The following COA8 variants were observed in gnomAD, a reference collection of about 807,000 sequenced individuals.
COA8 encodes UPF0671 protein C14orf153.
In COA8, 20 loss-of-function variants were observed where a neutral mutation model predicts 22.0. That is an observed-to-expected ratio of 0.91 (90% CI 0.64 to 1.32). COA8 has a LOEUF of 1.32. Ranked by LOEUF, COA8 falls within the 40% of genes most tolerant of loss-of-function variation. The pLI is 0.00. For missense variants in COA8, 266 were observed against 230.0 expected (o/e 1.16, Z -1.01); for synonymous variants, 105 against 79.9 (o/e 1.31, Z -1.68).
intron 3 of COA8, 103 bp downstream of exon 3, chr14:103,574,273 G>T: frequency 6.6e-7 from 1 of 1,511,724 alleles, no homozygotes; most frequent in South Asian, 1.1e-5. Flanking sequence ...AGTTCAGGGC[G>T]GTCCTTGGCC....
Position 103,574,087 on chromosome 14 carries a change from T to A in COA8, c.322-20T>A. On this transcript the variant is annotated intron_variant, in intron 2 of 4. Transcript: ENST00000409074. ...AAGGAGTTCTGAGAGCCTTTTTTTTTTTTTTTTTTTTTTTTTAAGGAAAAA... is the reference window on the plus strand; with the variant it reads ...AAGGAGTTCTGAGAGCCTTTTTTTTATTTTTTTTTTTTTTTTAAGGAAAAA... 3 of 1,480,106 alleles carry A rather than the reference T, an allele frequency of 2.0e-6. No individual in the cohort carries two copies. Among genetic ancestry groups the A allele is most frequent in the Non-Finnish European group, 2.7e-6 (3 of 1,117,068 alleles). The allele number at this position is 1,480,106 out of a possible 1,614,324, so 91.7% of individuals were successfully genotyped here.
intron 3 of COA8, among the ~76,000 whole-genome samples, chr14:103,585,558 C>T (rs144288365): frequency 2.0e-4 from 30 of 149,368 alleles, no homozygotes; most frequent in African/African-American, 6.6e-4. Flanking sequence ...GTTTTTCTCC[C>T]GTTCTATAGG....
At chr14:103,584,294 T>G (rs1200379823) in intron 3 of COA8, among the ~76,000 whole-genome samples, 1 of 152,178 alleles carries the variant, frequency 6.6e-6, no homozygotes, top group Non-Finnish European at 1.5e-5. Context: ...CATGGTTGAT[T>G]AAATCATTGG....
intron 4 of COA8, among the ~76,000 whole-genome samples, chr14:103,588,480 A>AAAAATAT (rs1555414271): frequency 7.0e-6 from 1 of 143,808 alleles, no homozygotes; most frequent in African/African-American, 2.5e-5. Context: ...TAATTAAAAA[A>AAAAATAT]ATATATATAT....
intron 3 of COA8, chr14:103,574,438 G>T: frequency 1.6e-6 from 1 of 613,226 alleles, no homozygotes; most frequent in South Asian, 1.5e-5. Flanking sequence ...TCGTACTGAG[G>T]TCTCAGCCTT....
chr14:103,579,646 G>A (rs1192914664), intron 3 of COA8, among the ~76,000 whole-genome samples: 1 of 148,398 alleles, frequency 6.7e-6, no homozygotes, highest in African/African-American at 2.5e-5. Context: ...ACCGCGCCCG[G>A]CCAAAAATAG....
In COA8 at chr14:103,563,124, G is replaced by C. The variant is rs760697714; in HGVS notation, c.123G>C (p.Gly41=). 1 of 1,539,658 alleles carries C rather than the reference G, an allele frequency of 6.5e-7. No individual in the cohort carries two copies. The highest frequency in any genetic ancestry group is 8.7e-7 in the Non-Finnish European group (1 of 1,148,286). Residue 41 remains glycine, a splice_region_variant and synonymous_variant, in exon 1 of 5, where the codon GGG becomes GGC. Coordinates refer to ENST00000409074, the MANE Select transcript of COA8 (RefSeq NM_001370595.2). ...GAERRDTAPS[G]VSRFCPPRKS... ...AGCGCAGGGATACGGCGCCCAGCGGGGTAAGCAGGGGCCTGGGGACATTGG... is the reference window on the plus strand; with the variant it reads ...AGCGCAGGGATACGGCGCCCAGCGGCGTAAGCAGGGGCCTGGGGACATTGG...
Position 103,583,517 on chromosome 14 carries a change from G to A in COA8, c.386-3757G>A, listed in dbSNP as rs570232386. 9.0e-5 allele frequency among the ~76,000 whole-genome samples: 13 copies of A among 143,674 alleles called. No individual in the cohort carries two copies. In the Admixed American group the frequency reaches 9.4e-4, roughly 10 times the overall value. The allele number at this position is 143,674 out of a possible 152,430, so 94.3% of individuals were successfully genotyped here. A position where few individuals can be genotyped will look rare whatever the true frequency, so the allele number is the denominator to read the frequency against. On this transcript the variant is annotated intron_variant, in intron 3 of 4. Coordinates refer to ENST00000409074, the MANE Select transcript of COA8 (RefSeq NM_001370595.2). ...AGATTGTGCCATTGCACTCCAGCCT[G>A]GGCAACAGAGCAAGACTCGATCTCA... is the stretch of plus-strand genomic sequence containing the variant.
intron 2 of COA8, among the ~76,000 whole-genome samples, chr14:103,572,815 G>A (rs2076198919): frequency 1.3e-5 from 2 of 149,844 alleles, no homozygotes; most frequent in Non-Finnish European, 3.0e-5. Context: ...ACGGAGTCTC[G>A]CTCTGTCACC....
chr14:103,586,640 C>CT (rs56313410), intron 3 of COA8, among the ~76,000 whole-genome samples: 141,310 of 142,680 alleles, frequency 0.99, 69,972 homozygotes, highest in South Asian at 1. Flanking sequence ...CACGCCTGGC[C>CT]TTTTTTTTTT....
Position 103,590,310 on chromosome 14 carries a change from G to T in COA8, c.*24G>T. On this transcript the variant is annotated 3_prime_UTR_variant, in exon 5 of 5. Coordinates refer to ENST00000409074, the MANE Select transcript of COA8 (RefSeq NM_001370595.2). ...AGGAGTCCACTCTGACCCAGCCAGA[G>T]TCCAGGTTTCCACAGGAAGCAGATG... 6.3e-7 allele frequency: 1 copy of T among 1,597,138 alleles called. No homozygotes were observed. The highest frequency in any genetic ancestry group is 1.3e-5 in the African/African-American group (1 of 74,280).
At chr14:103,563,440 C>A in intron 1 of COA8, 1 of 492,304 alleles carries the variant, frequency 2.0e-6, no homozygotes, top group Non-Finnish European at 3.8e-6. Flanking sequence ...TTAAAGAGCT[C>A]TTGGCTTACC....
intron 1 of COA8, among the ~76,000 whole-genome samples, chr14:103,569,034 A>G (rs539094008): frequency 9.9e-5 from 15 of 152,270 alleles, no homozygotes; most frequent in African/African-American, 3.6e-4. Context: ...TCTCTGTGAC[A>G]AGGGCAGAAC....
chr14:103,588,824 A>G (rs1440434953), intron 4 of COA8, among the ~76,000 whole-genome samples: 1 of 152,204 alleles, frequency 6.6e-6, no homozygotes, highest in Non-Finnish European at 1.5e-5. Context: ...CCTGGGCTAC[A>G]GAGTGAGACC....
intron 3 of COA8, among the ~76,000 whole-genome samples, chr14:103,585,682 TCTC>T (rs2076301200): frequency 6.8e-6 from 1 of 146,544 alleles, no homozygotes; most frequent in Non-Finnish European, 1.5e-5. Flanking sequence ...TTCAAGCAAT[TCTC>T]CTGCCTCAGC....
At chr14:103,574,730 C>A in intron 3 of COA8, 1 of 278,582 alleles carries the variant, frequency 3.6e-6, no homozygotes, top group Admixed American at 5.0e-5. Context: ...TGAGTCACCC[C>A]CATGCCAGGA....
At chr14:103,577,515 A>G (rs1383697097) in intron 3 of COA8, among the ~76,000 whole-genome samples, 1 of 152,174 alleles carries the variant, frequency 6.6e-6, no homozygotes, top group Non-Finnish European at 1.5e-5. Context: ...CTTTTCCAGA[A>G]GAATTTAGCT....
rs982283985 is a variant in COA8, at chr14:103,581,089, C to T, written c.386-6185C>T. 7.2e-5 allele frequency among the ~76,000 whole-genome samples: 11 copies of T among 152,074 alleles called. No homozygotes were observed. The highest frequency in any genetic ancestry group is 3.9e-4 in the East Asian group (2 of 5,190). ...TCCTGGGATTACAGGCGTGAGCCAC[C>T]GCGCCCAGCCTGTTACACCATTTTA... On this transcript the variant is annotated intron_variant, in intron 3 of 4. Transcript: ENST00000409074. This position sits in a 1 kb window ranked among gnomAD's most constrained non-coding sequence, Gnocchi z 4.1.
intron 1 of COA8, among the ~76,000 whole-genome samples, chr14:103,568,484 CACACATATATAT>C (rs1304910819): frequency 6.6e-6 from 1 of 151,744 alleles, no homozygotes; most frequent in Non-Finnish European, 1.5e-5. Context: ...CACATATATA[CACACATATATAT>C]ACACACATGT....
Sources: allele counts gnomAD v4.1 joint callset (sites outside exome capture counted in the v4.1 genomes callset), GRCh38; gene constraint gnomAD v4.1.1; non-coding constraint Gnocchi (gnomAD v3.1); transcripts MANE v1.5; gene names NCBI Gene and HGNC (gene_info 2026-07-23, HGNC 2026-07-21).